The following KDM4B variants were observed in gnomAD, a reference collection of about 807,000 sequenced individuals.
KDM4B encodes the protein lysine demethylase 4B.
In KDM4B, 32 loss-of-function variants were observed where a neutral mutation model predicts 125.2. The observed-to-expected ratio is 0.26, with a 90% CI of 0.19 to 0.34. KDM4B has a LOEUF of 0.34. Among genes scored for constraint, KDM4B ranks in the 10% least tolerant of loss-of-function variants. The pLI is 1.00. For missense variants in KDM4B, 1,190 were observed against 1,577.7 expected, an observed-to-expected ratio of 0.75 and a Z score of 4.16; for synonymous variants, 721 against 677.9, an observed-to-expected ratio of 1.06 and a Z score of -0.99.
Position 5,078,877 on chromosome 19 carries a change from G to A in KDM4B, c.780+1407G>A, listed in dbSNP as rs2038204208. ...ACCGCCAGCTGGTTGCTGGGGCCGG[G>A]CGCCAGTTTCTCCAGAGGCTGCCAC... On this transcript the variant is annotated intron_variant, in intron 8 of 22. Coordinates refer to ENST00000159111, the MANE Select transcript of KDM4B (RefSeq NM_015015.3). The surrounding 1 kb of genome is among the most constrained non-coding windows in gnomAD (Gnocchi z 4.5). 1 of 152,270 alleles carries A rather than the reference G, an allele frequency of 6.6e-6. No individual in the cohort carries two copies. The highest frequency in any genetic ancestry group is 2.1e-4 in the South Asian group (1 of 4,824). 9.4% of individuals were successfully genotyped at this position (152,270 alleles called of 1,614,324 possible). A position where few individuals can be genotyped will look rare whatever the true frequency, so the allele number is the denominator to read the frequency against.
intron 1 of KDM4B, among the ~76,000 whole-genome samples, chr19:4,994,923 A>G (rs1396444789): frequency 1.3e-5 from 2 of 152,210 alleles, no homozygotes; most frequent in Non-Finnish European, 2.9e-5. Context: ...TCGACTTCAG[A>G]TCCCCAATAT....
chr19:5,014,422 G>GC (rs1279712126), intron 1 of KDM4B, among the ~76,000 whole-genome samples: 1 of 152,096 alleles, frequency 6.6e-6, no homozygotes, highest in Non-Finnish European at 1.5e-5. Context: ...GACTGCAGGC[G>GC]CCCGCCACCA....
chr19:5,005,726 G>C (rs78719614), intron 1 of KDM4B, among the ~76,000 whole-genome samples: 1 of 152,150 alleles, frequency 6.6e-6, no homozygotes, highest in Non-Finnish European at 1.5e-5. Flanking sequence ...CACCCAGGAC[G>C]TCCCTCTAAG....
At chr19:4,986,024 T>C (rs774316063) in intron 1 of KDM4B, among the ~76,000 whole-genome samples, 6 of 152,240 alleles carry the variant, frequency 3.9e-5, no homozygotes, top group Non-Finnish European at 8.8e-5. Context: ...TCTTTTAGCC[T>C]GAGCTGAAAG....
At chr19:5,063,028 A>G (rs1450466500) in intron 6 of KDM4B, among the ~76,000 whole-genome samples, 1 of 151,550 alleles carries the variant, frequency 6.6e-6, no homozygotes, top group Non-Finnish European at 1.5e-5. Context: ...GATATATCAC[A>G]TTGGCTAGTG....
intron 9 of KDM4B, among the ~76,000 whole-genome samples, chr19:5,104,162 C>T (rs116704066): frequency 1.2e-3 from 189 of 152,278 alleles, no homozygotes; most frequent in African/African-American, 3.9e-3. Context: ...CAGAGGAGCT[C>T]GCTCCAGCTG....
At chr19:5,017,544 C>T (rs1268532773) in intron 2 of KDM4B, among the ~76,000 whole-genome samples, 3 of 152,054 alleles carry the variant, frequency 2.0e-5, no homozygotes, top group African/African-American at 4.8e-5. Context: ...GCAGGATGGA[C>T]GAGTCTCTTG....
chr19:5,045,963 A>C (rs527603992), intron 5 of KDM4B, among the ~76,000 whole-genome samples: 2 of 152,022 alleles, frequency 1.3e-5, no homozygotes, highest in African/African-American at 4.8e-5. Flanking sequence ...TAAATTTGAG[A>C]GTTTGCTGTG....
intron 2 of KDM4B, among the ~76,000 whole-genome samples, chr19:5,032,485 T>G (rs2145617904): frequency 6.6e-6 from 1 of 152,256 alleles, no homozygotes; most frequent in East Asian, 1.9e-4. Context: ...GATGCCGCGG[T>G]CTCTCGTGCG....
intron 1 of KDM4B, among the ~76,000 whole-genome samples, chr19:4,977,989 T>C (rs1437086254): frequency 6.6e-6 from 1 of 152,202 alleles, no homozygotes; most frequent in Non-Finnish European, 1.5e-5. Flanking sequence ...TAAAATCCCA[T>C]CTGTCAGACA....
intron 1 of KDM4B, among the ~76,000 whole-genome samples, chr19:4,970,622 G>A (rs1192699847): frequency 6.6e-6 from 1 of 152,160 alleles, no homozygotes; most frequent in East Asian, 1.9e-4. Flanking sequence ...ACTCCTATGG[G>A]CTTTTATCAC....
In KDM4B at chr19:5,142,493, T is replaced by G. The variant is rs1052717901; in HGVS notation, c.2551-1474T>G. Reference sequence around the variant, plus strand: ...AACGTGGAGATGCAGGGTCATGGGCTGCCTGCTACCACGAGGCGGAAGGGG... The same window carrying G: ...AACGTGGAGATGCAGGGTCATGGGCGGCCTGCTACCACGAGGCGGAAGGGG... On this transcript the variant is annotated intron_variant, in intron 18 of 22. Coordinates refer to ENST00000159111, the MANE Select transcript of KDM4B (RefSeq NM_015015.3). This position sits in a 1 kb window ranked among gnomAD's most constrained non-coding sequence, Gnocchi z 5.4. Among the ~76,000 whole-genome samples the G allele has an allele frequency of 3.3e-5, 5 of 152,152 alleles. No homozygotes were observed. Among genetic ancestry groups the G allele is most frequent in the Non-Finnish European group, 7.4e-5 (5 of 68,002 alleles).
At position 5,077,437 on chromosome 19, in the gene KDM4B, C is replaced by T. The variant is rs777720143; in HGVS notation, c.747C>T (p.Ile249=). The change falls in exon 8 of 23, where the codon ATC becomes ATT. Residue 249 remains isoleucine, a synonymous_variant. Coordinates refer to ENST00000159111, the MANE Select transcript of KDM4B (RefSeq NM_015015.3). ...LRHKMTLISP[I]ILKKYGIPFS... ...ATAAGATGACCCTCATCTCGCCCAT[C>T]ATCCTGAAGAAGTACGGGATCCCCT... The T allele has an allele frequency of 7.4e-6, 12 of 1,613,472 alleles. No homozygotes were observed. Among genetic ancestry groups the T allele is most frequent in the Admixed American group, 6.7e-5 (4 of 60,026 alleles).
chr19:5,036,949 C>T (rs951909790), intron 3 of KDM4B, among the ~76,000 whole-genome samples: 2 of 152,208 alleles, frequency 1.3e-5, no homozygotes, highest in Non-Finnish European at 2.9e-5. Context: ...AGTGTGGCTC[C>T]GTGTGTGCGG....
chr19:5,103,610 G>T (rs1028646153), intron 9 of KDM4B, among the ~76,000 whole-genome samples: 2 of 152,202 alleles, frequency 1.3e-5, no homozygotes, highest in African/African-American at 4.8e-5. Context: ...TGAACTCGAC[G>T]GCCATCAATC....
intron 2 of KDM4B, among the ~76,000 whole-genome samples, chr19:5,031,250 G>A (rs962238422): frequency 1.3e-4 from 20 of 152,350 alleles, no homozygotes; most frequent in Admixed American, 5.9e-4. Flanking sequence ...CGAGGGGCCC[G>A]CTGGGACAGT....
Position 5,062,437 on chromosome 19 carries a change from C to T in KDM4B, c.627-8573C>T, listed in dbSNP as rs867058430. On this transcript the variant is annotated intron_variant, in intron 6 of 22. Transcript: ENST00000159111. The stretch of plus-strand genomic sequence containing the variant: ...GCCCTTCCTCCCGTCCGTCCCCATG[C>T]GCTGTTGCAGGGGTGTGGAGGGGTT... Among the ~76,000 whole-genome samples, 10 of 152,338 alleles carry T rather than the reference C, an allele frequency of 6.6e-5. No individual in the cohort carries two copies. In the East Asian group the frequency reaches 7.7e-4, roughly 12 times the overall value.
At chr19:5,128,467 A>T (rs1041433809) in intron 11 of KDM4B, among the ~76,000 whole-genome samples, 1 of 152,146 alleles carries the variant, frequency 6.6e-6, no homozygotes, top group Non-Finnish European at 1.5e-5. Flanking sequence ...GTGAGGCTGG[A>T]TGGGCACCGC....
chr19:5,122,745 A>C (rs2039383599), intron 11 of KDM4B, among the ~76,000 whole-genome samples: 1 of 152,194 alleles, frequency 6.6e-6, no homozygotes, highest in Non-Finnish European at 1.5e-5. Context: ...CCCAAGGAAG[A>C]GGGCACCAGA....
Sources: gnomAD v4.1 joint callset for allele counts (sites outside exome capture counted in the v4.1 genomes callset) on GRCh38, gnomAD v4.1.1 for gene constraint, Gnocchi (gnomAD v3.1) non-coding constraint, MANE v1.5 for transcripts, NCBI Gene and HGNC (gene_info 2026-07-23, HGNC 2026-07-21) for gene names.